The following TPRG1 variants were observed in gnomAD, a reference collection of about 807,000 sequenced individuals.
TPRG1 encodes tumor protein p63 regulated 1, also known as tumor protein p63-regulated gene 1 protein.
Under a neutral mutation model 29.3 loss-of-function variants are expected in TPRG1, and 29 were observed. That is an observed-to-expected ratio of 0.99 (90% confidence interval 0.74 to 1.35). TPRG1 has a LOEUF of 1.35. Ranked by LOEUF, TPRG1 falls within the 40% of genes most tolerant of loss-of-function variation. The probability of loss-of-function intolerance (pLI) is 0.00; values close to 1 mark genes in which losing one functional copy is unlikely to be tolerated. For synonymous variants in TPRG1, 130 were observed against 116.8 expected (o/e 1.11, Z -0.73); for missense variants, 327 against 335.0 (o/e 0.98, Z 0.19).
intron 3 of TPRG1, among the ~76,000 whole-genome samples, chr3:189,019,347 A>G (rs186193281): frequency 1.3e-5 from 2 of 152,296 alleles, no homozygotes; most frequent in African/African-American, 2.4e-5. Context: ...TTGCCCATTC[A>G]GTGTGATATT....
intron 4 of TPRG1, among the ~76,000 whole-genome samples, chr3:189,300,058 A>G (rs1057471489): frequency 6.6e-6 from 1 of 152,218 alleles, no homozygotes; most frequent in African/African-American, 2.4e-5. Flanking sequence ...GACCACACAT[A>G]AAAAAGTGAA....
At chr3:189,237,941 T>G (rs1453655199) in intron 3 of TPRG1, among the ~76,000 whole-genome samples, 4 of 152,196 alleles carry the variant, frequency 2.6e-5, no homozygotes, top group African/African-American at 9.6e-5. Context: ...ATAGCAAAAG[T>G]GCTGTCGGTC....
At chr3:189,258,951 G>A (rs1017013004) in intron 4 of TPRG1, among the ~76,000 whole-genome samples, 4 of 152,138 alleles carry the variant, frequency 2.6e-5, no homozygotes, top group African/African-American at 9.7e-5. Flanking sequence ...CATGCGGGTG[G>A]GATCCACTGA....
chr3:189,088,042 A>G (rs1284810511), intron 4 of TPRG1, among the ~76,000 whole-genome samples: 1 of 152,202 alleles, frequency 6.6e-6, no homozygotes, highest in East Asian at 1.9e-4. Flanking sequence ...CTATGAAGAA[A>G]GTCATTGGTA....
intron 1 of TPRG1, among the ~76,000 whole-genome samples, chr3:189,112,693 T>A (rs1207046172): frequency 1.3e-5 from 2 of 152,180 alleles, no homozygotes; most frequent in Admixed American, 6.5e-5. Context: ...TGTAGATATG[T>A]AGCATTATTT....
At chr3:189,187,266 G>A (rs1052877550) in intron 1 of TPRG1, among the ~76,000 whole-genome samples, 1 of 151,080 alleles carries the variant, frequency 6.6e-6, no homozygotes, top group Non-Finnish European at 1.5e-5. Context: ...GGGATTACAG[G>A]CATGAGCCAC....
At chr3:189,174,362 C>T (rs1481836061) in intron 1 of TPRG1, among the ~76,000 whole-genome samples, 1 of 152,202 alleles carries the variant, frequency 6.6e-6, no homozygotes, top group African/African-American at 2.4e-5. Context: ...AATGGACCCA[C>T]ATCCCCTCAT....
At chr3:189,057,164 A>G (rs917881451) in intron 4 of TPRG1, among the ~76,000 whole-genome samples, 2 of 152,184 alleles carry the variant, frequency 1.3e-5, no homozygotes, top group African/African-American at 2.4e-5. Flanking sequence ...TTCCTTGGGA[A>G]TCAGTGAGTG....
At chr3:189,045,334 A>G (rs1186656316) in intron 4 of TPRG1, among the ~76,000 whole-genome samples, 9 of 152,250 alleles carry the variant, frequency 5.9e-5, no homozygotes, top group Non-Finnish European at 1.2e-4. Flanking sequence ...ATACAAGTGA[A>G]TGACTTCTTT....
Position 189,310,425 on chromosome 3 carries a change from G to A in TPRG1, c.519G>A (p.Pro173=), listed in dbSNP as rs138024891. The change falls in exon 5 of 6, where the codon CCG becomes CCA. Residue 173 remains proline, a synonymous_variant. Coordinates refer to ENST00000345063, the MANE Select transcript of TPRG1 (RefSeq NM_198485.4). The stretch of plus-strand genomic sequence containing the variant: ...GCCTTAGGATCTACTGGGGGAGTCC[G>A]GAGGAGCAGTCTCTTCTGTCCCGCT... ...GEGLRIYWGS[P]EEQSLLSRWN... The A allele has an allele frequency of 1.3e-4, 216 of 1,610,688 alleles. No homozygotes were observed. The highest frequency in any genetic ancestry group is 8.3e-4 in the Middle Eastern group (5 of 6,010).
At position 189,075,105 on chromosome 3, in the gene TPRG1, G is replaced by A. The variant is rs574550093; in HGVS notation, c.-463+51159G>A. 7.3e-5 allele frequency among the ~76,000 whole-genome samples: 11 copies of A among 151,286 alleles called. No individual in the cohort carries two copies. The South Asian group carries it at 1.9e-3, about 26-fold the overall frequency. Reference sequence around the variant, plus strand: ...CCTTAATATCAGTTTTACAGAGAGCGAATTCATGCTCTGATTTTTAAATTT... The same window carrying A: ...CCTTAATATCAGTTTTACAGAGAGCAAATTCATGCTCTGATTTTTAAATTT... On this transcript the variant is annotated intron_variant, in intron 4 of 10. Coordinates refer to the TPRG1 transcript ENST00000433971.
intron 4 of TPRG1, among the ~76,000 whole-genome samples, chr3:189,298,022 A>C (rs1720239254): frequency 1.3e-5 from 2 of 152,204 alleles, no homozygotes; most frequent in Non-Finnish European, 2.9e-5. Context: ...CTTAAATAAA[A>C]ACAAAATCAT....
chr3:189,209,481 T>A (rs1389203394), intron 2 of TPRG1, among the ~76,000 whole-genome samples: 1 of 152,192 alleles, frequency 6.6e-6, no homozygotes, highest in East Asian at 1.9e-4. Flanking sequence ...ATTGGTGTTG[T>A]ACCATGTAGC....
chr3:189,264,663 A>T (rs1713741879), intron 4 of TPRG1, among the ~76,000 whole-genome samples: 1 of 152,042 alleles, frequency 6.6e-6, no homozygotes, highest in African/African-American at 2.4e-5. Context: ...TGTTCATTTC[A>T]CCAAAAAGAT....
At chr3:189,242,533 A>G (rs1422617420) in intron 4 of TPRG1, among the ~76,000 whole-genome samples, 1 of 152,054 alleles carries the variant, frequency 6.6e-6, no homozygotes, top group African/African-American at 2.4e-5. Flanking sequence ...TATTTTATGG[A>G]TAATTTTTGT....
intron 3 of TPRG1, among the ~76,000 whole-genome samples, chr3:189,134,419 T>A (rs201708140): frequency 0.3 from 43,422 of 142,940 alleles, 7,626 homozygotes; most frequent in African/African-American, 0.44. Context: ...TTTTTTTTTT[T>A]TTTTTTTTTT....
At chr3:189,004,130 A>G (rs1031564073) in intron 2 of TPRG1, among the ~76,000 whole-genome samples, 5 of 152,150 alleles carry the variant, frequency 3.3e-5, no homozygotes, top group Non-Finnish European at 7.4e-5. Flanking sequence ...TTTCATTTTA[A>G]TAGTTGCTGT....
At chr3:189,010,636 T>C (rs1712549796) in intron 3 of TPRG1, among the ~76,000 whole-genome samples, 1 of 152,244 alleles carries the variant, frequency 6.6e-6, no homozygotes, top group Admixed American at 6.5e-5. Flanking sequence ...GTTGTTTTTC[T>C]TTTGTAAATA....
At chr3:189,282,369 G>T (rs1355755396) in intron 4 of TPRG1, among the ~76,000 whole-genome samples, 1 of 152,248 alleles carries the variant, frequency 6.6e-6, no homozygotes, top group Middle Eastern at 3.4e-3. Context: ...AGCTCTGGTT[G>T]CTACTTCTAC....
Sources: allele counts gnomAD v4.1 joint callset (sites outside exome capture counted in the v4.1 genomes callset), GRCh38; gene constraint gnomAD v4.1.1; transcripts MANE v1.5; gene names NCBI Gene and HGNC (gene_info 2026-07-23, HGNC 2026-07-21).